SEC24A: variants seen among roughly 807,000 people sequenced by gnomAD.
SEC24A encodes SEC24 homolog A, COPII component, also known as protein transport protein Sec24A.
SEC24A carries 93 observed loss-of-function variants against 129.4 expected under a neutral mutation model. That is an observed-to-expected ratio of 0.72 (90% CI 0.61 to 0.85). The LOEUF is 0.85. Ranked by LOEUF, SEC24A falls within the 40% of genes least tolerant of loss-of-function variation. SEC24A has a pLI of 0.00. For synonymous variants in SEC24A, 460 were observed against 467.3 expected (o/e 0.98, Z 0.20); for missense variants, 1,264 against 1,307.4 (o/e 0.97, Z 0.51).
intron 1 of SEC24A, among the ~76,000 whole-genome samples, chr5:134,649,714 A>C (rs1201164288): frequency 6.6e-6 from 1 of 152,154 alleles, no homozygotes; most frequent in African/African-American, 2.4e-5. Flanking sequence ...TGGAAAAACC[A>C]AATAGAAGGG....
At position 134,666,245 on chromosome 5, in the gene SEC24A, A is replaced by C. The variant is rs1186865985; in HGVS notation, c.566-578A>C. Among the ~76,000 whole-genome samples the C allele has an allele frequency of 2.6e-5, 4 of 152,158 alleles. No homozygotes were observed. The East Asian group carries it at 5.8e-4, about 22-fold the overall frequency. ...ATAATTGACAGGTAAGAGGCCTGGT[A>C]GGGGAGAGTTAGAAATTTGTAAAAT... On this transcript the variant is annotated intron_variant, in intron 2 of 22. Transcript: ENST00000398844.
intron 13 of SEC24A, among the ~76,000 whole-genome samples, chr5:134,696,161 T>G (rs1464730709): frequency 6.6e-6 from 1 of 151,320 alleles, no homozygotes; most frequent in African/African-American, 2.4e-5. Context: ...TCCCAGCTAC[T>G]CGGGAGGCTG....
At chr5:134,717,375 C>T (rs1388233450) in intron 19 of SEC24A, among the ~76,000 whole-genome samples, 1 of 151,468 alleles carries the variant, frequency 6.6e-6, no homozygotes, top group Non-Finnish European at 1.5e-5. Context: ...GGCATGGTGG[C>T]GCATGCCTGT....
chr5:134,682,778 G>C (rs1751320997), intron 9 of SEC24A, among the ~76,000 whole-genome samples: 1 of 152,056 alleles, frequency 6.6e-6, no homozygotes, highest in Non-Finnish European at 1.5e-5. Context: ...TGTTGCCCAG[G>C]CTGGTCTCGA....
chr5:134,712,399 C>T lies in SEC24A; in HGVS notation c.2728-2625C>T, dbSNP rs183049502. On this transcript the variant is annotated intron_variant, in intron 18 of 22. Transcript: ENST00000398844. The stretch of plus-strand genomic sequence containing the variant: ...CAGAGTAGCTGGGATTACAGGCACC[C>T]GCCACCATGCCCAGCTAATTTTTTG... Among the ~76,000 whole-genome samples the T allele has an allele frequency of 1.7e-3, 257 of 150,046 alleles. 2 individuals carry two copies. In the Middle Eastern group the frequency reaches 0.032, roughly 19 times the overall value.
chr5:134,672,925 G>T (rs1257887501), intron 4 of SEC24A, among the ~76,000 whole-genome samples: 1 of 151,758 alleles, frequency 6.6e-6, no homozygotes, highest in South Asian at 2.1e-4. Context: ...TGTAGAGATG[G>T]GGGGGTGGGT....
At chr5:134,682,591 A>G in intron 9 of SEC24A, 109 bp downstream of exon 9, 1 of 578,532 alleles carries the variant, frequency 1.7e-6, no homozygotes, top group Non-Finnish European at 3.1e-6. Flanking sequence ...TTTGAGACAG[A>G]GTTTCACTCT....
intron 2 of SEC24A, among the ~76,000 whole-genome samples, chr5:134,664,554 A>G (rs1750586917): frequency 6.6e-6 from 1 of 152,158 alleles, no homozygotes; most frequent in African/African-American, 2.4e-5. Context: ...TTCGTTAAAC[A>G]TTAGGTTGTA....
intron 20 of SEC24A, among the ~76,000 whole-genome samples, chr5:134,719,565 G>C (rs1752574272): frequency 2.0e-5 from 3 of 151,824 alleles, no homozygotes; most frequent in African/African-American, 7.3e-5. Flanking sequence ...ACGTGCACCT[G>C]TAATACCAGC....
Position 134,689,985 on chromosome 5 carries a change from G to T in SEC24A, c.1723+1686G>T, listed in dbSNP as rs527690228. The stretch of plus-strand genomic sequence containing the variant: ...TGGAATAGAGGTTACCAGGGGCTGG[G>T]GGGGGAGGGCGATTAATAGGGAGTT... On this transcript the variant is annotated intron_variant, in intron 11 of 22. Coordinates refer to ENST00000398844, the MANE Select transcript of SEC24A (RefSeq NM_021982.3). Among the ~76,000 whole-genome samples the T allele has an allele frequency of 1.2e-4, 18 of 152,156 alleles. No homozygotes were observed. The South Asian group carries it at 1.2e-3, about 10-fold the overall frequency.
At chr5:134,651,510 G>C (rs1020625914) in intron 1 of SEC24A, among the ~76,000 whole-genome samples, 1 of 151,378 alleles carries the variant, frequency 6.6e-6, no homozygotes, top group African/African-American at 2.4e-5. Flanking sequence ...GGCCAGGCTG[G>C]TCTTGAACTC....
chr5:134,681,240 A>G (rs1751256908), intron 8 of SEC24A, among the ~76,000 whole-genome samples: 1 of 141,836 alleles, frequency 7.1e-6, no homozygotes, highest in African/African-American at 2.6e-5. Context: ...TTTACTAAAA[A>G]TATAAAAAAA....
Position 134,725,213 on chromosome 5 carries a change from C to T in SEC24A, c.*119C>T, listed in dbSNP as rs534647193. The T allele has an allele frequency of 4.0e-5, 24 of 601,896 alleles. No individual in the cohort carries two copies. Among genetic ancestry groups the T allele is most frequent in the African/African-American group, 3.2e-4 (17 of 52,896 alleles). 37.3% of individuals were successfully genotyped at this position (601,896 alleles called of 1,614,324 possible). A position where few individuals can be genotyped will look rare whatever the true frequency, so the allele number is the denominator to read the frequency against. On this transcript the variant is annotated 3_prime_UTR_variant, in exon 23 of 23. Coordinates refer to ENST00000398844, the MANE Select transcript of SEC24A (RefSeq NM_021982.3). Reference sequence around the variant, plus strand: ...GGACTAATGTGATGATTGAGATGTTCTCACTGTGATTTCAACAACCTATAG... The same window carrying T: ...GGACTAATGTGATGATTGAGATGTTTTCACTGTGATTTCAACAACCTATAG...
intron 21 of SEC24A, among the ~76,000 whole-genome samples, chr5:134,721,477 C>T (rs1378836237): frequency 6.7e-6 from 1 of 150,308 alleles, no homozygotes; most frequent in East Asian, 2.0e-4. Context: ...GCAGGAGAAT[C>T]GCTTGAACCC....
rs776067845 is a variant in SEC24A, at chr5:134,715,171, A to G, written c.2865+10A>G. The G allele has an allele frequency of 2.0e-5, 32 of 1,605,870 alleles. No homozygotes were observed. Among genetic ancestry groups the G allele is most frequent in the Non-Finnish European group, 2.6e-5 (31 of 1,177,594 alleles). On this transcript the variant is annotated intron_variant, in intron 19 of 22. Transcript: ENST00000398844. Reference sequence around the variant, plus strand: ...CAATCTCTCAGATGAGGTAAGATGGATTGCTTTTTTGTGGTTTTACTTGAA... The same window carrying G: ...CAATCTCTCAGATGAGGTAAGATGGGTTGCTTTTTTGTGGTTTTACTTGAA...
intron 15 of SEC24A, among the ~76,000 whole-genome samples, chr5:134,698,807 A>G (rs1187181617): frequency 1.3e-5 from 2 of 151,264 alleles, no homozygotes; most frequent in East Asian, 3.9e-4. Context: ...TAATTTTTGT[A>G]TTTTTAGTAG....
At chr5:134,717,232 G>A (rs529023324) in intron 19 of SEC24A, among the ~76,000 whole-genome samples, 69 of 152,054 alleles carry the variant, frequency 4.5e-4, no homozygotes, top group Non-Finnish European at 8.7e-4. Flanking sequence ...GGCCAGGCAC[G>A]GTAAATCACA....
intron 1 of SEC24A, among the ~76,000 whole-genome samples, chr5:134,650,555 G>T (rs566741494): frequency 6.8e-5 from 10 of 147,642 alleles, no homozygotes; most frequent in Admixed American, 1.4e-4. Context: ...TTTTTTTTGA[G>T]ATGGAGTCTT....
chr5:134,722,713 G>T (rs769641707), intron 21 of SEC24A, among the ~76,000 whole-genome samples: 2 of 152,166 alleles, frequency 1.3e-5, no homozygotes, highest in Non-Finnish European at 2.9e-5. Flanking sequence ...TAGAATATTC[G>T]TAGAAAATTG....
Sources: gnomAD v4.1 joint callset for allele counts (sites outside exome capture counted in the v4.1 genomes callset) on GRCh38, gnomAD v4.1.1 for gene constraint, MANE v1.5 for transcripts, NCBI Gene and HGNC (gene_info 2026-07-23, HGNC 2026-07-21) for gene names.